MBD5: variants seen among roughly 807,000 people sequenced by gnomAD.
MBD5 encodes the protein methyl-CpG-binding domain protein 5.
A neutral mutation model predicts 117.3 loss-of-function variants in MBD5; 13 were observed. The observed-to-expected ratio is 0.11, with a 90% CI of 0.07 to 0.18. The LOEUF (loss-of-function observed/expected upper bound fraction) is 0.18. MBD5 is among the 10% of genes least tolerant of loss of function. MBD5 has a pLI of 1.00. For synonymous variants in MBD5, 727 were observed against 766.4 expected (o/e 0.95, Z 0.85); for missense variants, 1,879 against 2,093.8 (o/e 0.90, Z 2.00).
intron 1 of MBD5, among the ~76,000 whole-genome samples, chr2:148,141,691 G>T (rs962010377): frequency 6.6e-6 from 1 of 152,140 alleles, no homozygotes; most frequent in African/African-American, 2.4e-5. Context: ...TACCCAAGAG[G>T]CTAAGGTAGG....
Position 148,395,890 on chromosome 2 carries a change from G to C in MBD5, c.-557+53554G>C, listed in dbSNP as rs1006118893. On this transcript the variant is annotated intron_variant, in intron 4 of 13. Transcript: ENST00000642680. The stretch of plus-strand genomic sequence containing the variant: ...CCACCTCATGATGTGAACAGGCTCC[G>C]GCAATCTCTAATAGCCCTCCAGTTC... 2.6e-5 allele frequency among the ~76,000 whole-genome samples: 4 copies of C among 152,048 alleles called. No individual in the cohort carries two copies. In the South Asian group the frequency reaches 8.3e-4, roughly 32 times the overall value.
chr2:148,427,150 C>T (rs1705821233), intron 4 of MBD5, among the ~76,000 whole-genome samples: 1 of 152,112 alleles, frequency 6.6e-6, no homozygotes, highest in Non-Finnish European at 1.5e-5. Flanking sequence ...AGTCAGGAAA[C>T]AACAGGTGCT....
intron 1 of MBD5, among the ~76,000 whole-genome samples, chr2:148,046,329 T>C (rs1049488148): frequency 1.4e-4 from 22 of 152,156 alleles, no homozygotes; most frequent in African/African-American, 5.3e-4. Flanking sequence ...AGAAATAAAA[T>C]ACAAGGTTTT....
At chr2:148,085,815 G>A (rs1174246582) in intron 1 of MBD5, among the ~76,000 whole-genome samples, 1 of 152,162 alleles carries the variant, frequency 6.6e-6, no homozygotes, top group Non-Finnish European at 1.5e-5. Context: ...CTGAGAGAAT[G>A]GAAATACTGA....
intron 12 of MBD5, among the ~76,000 whole-genome samples, chr2:148,504,616 A>G (rs1222497688): frequency 3.9e-5 from 6 of 152,200 alleles, no homozygotes; most frequent in Admixed American, 3.9e-4. Context: ...AAGTAATTCA[A>G]ATGTCAAAAT....
intron 4 of MBD5, among the ~76,000 whole-genome samples, chr2:148,430,428 A>T (rs1336629341): frequency 6.6e-6 from 1 of 152,134 alleles, no homozygotes; most frequent in Non-Finnish European, 1.5e-5. Context: ...GTTTTTTTAA[A>T]AAATGTGTAT....
chr2:148,333,134 A>G (rs1210906877), intron 3 of MBD5, among the ~76,000 whole-genome samples: 1 of 152,114 alleles, frequency 6.6e-6, no homozygotes, highest in Non-Finnish European at 1.5e-5. Flanking sequence ...TATATGTTAG[A>G]AACATTTTTT....
rs1325262834 is a variant in MBD5, at chr2:148,021,358, C to T, written c.-1251C>T. ...CATCCACGACTCCTACCCCCTCACC[C>T]CTCCAACTCGCCTCCCTCCCTCCAC... On this transcript the variant is annotated 5_prime_UTR_variant, in exon 1 of 14. Transcript: ENST00000642680. The T allele has an allele frequency of 2.3e-6, 1 of 439,528 alleles. No homozygotes were observed. Among genetic ancestry groups the T allele is most frequent in the East Asian group, 6.0e-5 (1 of 16,758 alleles). 27.2% of individuals were successfully genotyped at this position (439,528 alleles called of 1,614,324 possible).
intron 3 of MBD5, among the ~76,000 whole-genome samples, chr2:148,283,895 T>C (rs537608752): frequency 6.6e-6 from 1 of 152,314 alleles, no homozygotes; most frequent in South Asian, 2.1e-4. Context: ...GATTCAAAAA[T>C]CAAAGCAATA....
At position 148,153,008 on chromosome 2, in the gene MBD5, T is replaced by C. The variant is rs1011917838; in HGVS notation, c.-924-25692T>C. ...TGATGTTAGCTGGTTATTTTGCTGGTTAGTTGATGCAGTTTCTTCCTAGTC... is the reference window on the plus strand; with the variant it reads ...TGATGTTAGCTGGTTATTTTGCTGGCTAGTTGATGCAGTTTCTTCCTAGTC... On this transcript the variant is annotated intron_variant, in intron 1 of 13. Transcript: ENST00000642680. 5.3e-5 allele frequency among the ~76,000 whole-genome samples: 8 copies of C among 152,168 alleles called. No individual in the cohort carries two copies. In the South Asian group the frequency reaches 1.3e-3, roughly 24 times the overall value.
chr2:148,240,072 A>C (rs888300860), intron 3 of MBD5, among the ~76,000 whole-genome samples: 1 of 152,210 alleles, frequency 6.6e-6, no homozygotes, highest in African/African-American at 2.4e-5. Context: ...TACACCATGG[A>C]ATCCTATGCA....
intron 1 of MBD5, among the ~76,000 whole-genome samples, chr2:148,157,522 C>T (rs1460653518): frequency 3.3e-5 from 5 of 152,162 alleles, no homozygotes; most frequent in African/African-American, 9.7e-5. Flanking sequence ...CCAGCCCAAG[C>T]TCAGGTATTC....
intron 1 of MBD5, among the ~76,000 whole-genome samples, chr2:148,090,376 G>A (rs1463131515): frequency 6.6e-6 from 1 of 151,738 alleles, no homozygotes; most frequent in Non-Finnish European, 1.5e-5. Context: ...AACCAGGAAA[G>A]GACATAACAA....
chr2:148,478,843 G>A (rs1681054181), intron 8 of MBD5, among the ~76,000 whole-genome samples: 1 of 152,070 alleles, frequency 6.6e-6, no homozygotes, highest in African/African-American at 2.4e-5. Context: ...GCTGCCTTTT[G>A]GTTATTTAAC....
At chr2:148,060,358 TC>T (rs1158554626) in intron 1 of MBD5, among the ~76,000 whole-genome samples, 1 of 151,718 alleles carries the variant, frequency 6.6e-6, no homozygotes, top group African/African-American at 2.4e-5. Context: ...ACTTTATATA[TC>T]TTTTAATTGT....
At chr2:148,435,606 G>A (rs189582515) in intron 4 of MBD5, among the ~76,000 whole-genome samples, 3 of 152,146 alleles carry the variant, frequency 2.0e-5, no homozygotes, top group Non-Finnish European at 4.4e-5. Context: ...CTGCTGAAAG[G>A]TCTGCTATTA....
At chr2:148,389,215 GT>G in intron 4 of MBD5, among the ~76,000 whole-genome samples, 1 of 115,668 alleles carries the variant, frequency 8.6e-6, no homozygotes, top group Admixed American at 9.1e-5. Context: ...GTGTGTGTGT[GT>G]GTGTGTGTAA....
At chr2:148,457,524 G>T (rs534745482) in intron 4 of MBD5, among the ~76,000 whole-genome samples, 1 of 152,032 alleles carries the variant, frequency 6.6e-6, no homozygotes, top group East Asian at 1.9e-4. Context: ...CACTATCATT[G>T]ATTATGGCTG....
intron 4 of MBD5, among the ~76,000 whole-genome samples, chr2:148,348,801 A>T (rs968873586): frequency 6.6e-6 from 1 of 151,580 alleles, no homozygotes; most frequent in Non-Finnish European, 1.5e-5. Flanking sequence ...TTTTGGGGAG[A>T]CTTTAGAAGT....
Sources: allele counts gnomAD v4.1 joint callset (sites outside exome capture counted in the v4.1 genomes callset), GRCh38; gene constraint gnomAD v4.1.1; transcripts MANE v1.5; gene names NCBI Gene and HGNC (gene_info 2026-07-23, HGNC 2026-07-21).